Variants in DOK2 observed in about 807,000 individuals in gnomAD.
DOK2 encodes docking protein 2.
DOK2 carries 28 observed loss-of-function variants against 26.0 expected under a neutral mutation model. The observed-to-expected ratio is 1.08, with a 90% CI of 0.80 to 1.48. The LOEUF is 1.48. Ranked by LOEUF, DOK2 falls within the 40% of genes most tolerant of loss-of-function variation. The probability of loss-of-function intolerance (pLI) is 0.00; values close to 1 mark genes in which losing one functional copy is unlikely to be tolerated. For missense variants in DOK2, 682 were observed against 558.2 expected (o/e 1.22, Z -2.23); for synonymous variants, 282 against 236.9 (o/e 1.19, Z -1.75).
rs1169113502 is a variant in DOK2, at chr8:21,909,890, T to C, written c.660A>G (p.Gly220=). 6 of 1,612,794 alleles carry C rather than the reference T, an allele frequency of 3.7e-6. No homozygotes were observed. In the East Asian group the frequency reaches 1.3e-4, roughly 36 times the overall value. ...SFEAGRRCVS[G]EGNFEFETRQ... is the part of the protein sequence containing the mutation. ...GGGTTTCGAACTCAAAGTTGCCCTC[T>C]CCAGAGACGCAGCGACGGCCTGCCT... The change falls in exon 5 of 5, where the codon GGA becomes GGG. Residue 220 remains glycine (G), a synonymous_variant. Transcript: ENST00000276420.
At chr8:21,910,113 C>A (rs892468820) in intron 4 of DOK2, among the ~76,000 whole-genome samples, 182 bp from the exon 5 acceptor site, 91 of 152,132 alleles carry the variant, frequency 6.0e-4, no homozygotes, top group African/African-American at 2.1e-3. Flanking sequence ...TCCCTGGTAG[C>A]TGGGACTACA....
intron 3 of DOK2, 68 bp from the exon 4 acceptor site, chr8:21,910,925 C>G: frequency 6.7e-7 from 1 of 1,486,618 alleles, no homozygotes; most frequent in South Asian, 1.3e-5. Context: ...TCACCACTGC[C>G]CAGTTCTAAA....
Position 21,912,341 on chromosome 8 carries a change from G to C in DOK2, c.233C>G (p.Pro78Arg), listed in dbSNP as rs1252745993. 1.9e-6 allele frequency: 3 copies of C among 1,607,770 alleles called. No individual in the cohort carries two copies. The Admixed American group carries it at 5.0e-5, about 27-fold the overall frequency. Residue 78 changes from proline to arginine, a missense_variant, in exon 2 of 5, where the codon CCC becomes CGC. Pro to Arg is a moderately radical substitution (Grantham distance 103). Transcript: ENST00000276420. ...CAGGAAGAAGGCACTGGTGTCCCGG[G>C]GGCTGCTGGCCTCTCCGCCGGCCTC... is the stretch of plus-strand genomic sequence containing the variant. The part of the protein sequence containing the change: ...VAEAGGEASS[P>R]RDTSAFFLET...
chr8:21,912,697 A>G (rs1295740651), intron 1 of DOK2, 187 bp from the exon 2 acceptor site: 1 of 613,690 alleles, frequency 1.6e-6, no homozygotes, highest in Non-Finnish European at 2.7e-6. Context: ...CAGGAATTAG[A>G]AAATCGGAGA....
In DOK2 at chr8:21,909,900, C is replaced by T; in HGVS notation, c.650G>A (p.Cys217Tyr). 4 of 1,612,252 alleles carry T rather than the reference C, an allele frequency of 2.5e-6. No homozygotes were observed. Among genetic ancestry groups the T allele is most frequent in the Non-Finnish European group, 2.5e-6 (3 of 1,179,654 alleles). ...CTCAAAGTTGCCCTCTCCAGAGACG[C>T]AGCGACGGCCTGCCTCAAAGGAAAA... The part of the protein sequence containing the change: ...VTFSFEAGRR[C>Y]VSGEGNFEFE... Residue 217 changes from cysteine (C) to tyrosine (Y), a missense_variant, in exon 5 of 5, where the codon TGC becomes TAC. By Grantham distance (194) the Cys-to-Tyr change is radical. Coordinates refer to ENST00000276420, the MANE Select transcript of DOK2 (RefSeq NM_003974.4).
At position 21,910,875 on chromosome 8, in the gene DOK2, G is replaced by C. The variant is rs1809817681; in HGVS notation, c.434-18C>G. 4 of 1,452,538 alleles carry C rather than the reference G, an allele frequency of 2.8e-6. No homozygotes were observed. In the African/African-American group the frequency reaches 5.5e-5, roughly 20 times the overall value. 90.0% of individuals were successfully genotyped at this position (1,452,538 alleles called of 1,614,324 possible). Reference sequence around the variant, plus strand: ...GGGGCCGACTGGGGAGAAGAAGAGAGAGAAGGCGAAGGCAGTTAATGGGAA... The same window carrying C: ...GGGGCCGACTGGGGAGAAGAAGAGACAGAAGGCGAAGGCAGTTAATGGGAA... On this transcript the variant is annotated intron_variant, in intron 3 of 4. Coordinates refer to ENST00000276420, the MANE Select transcript of DOK2 (RefSeq NM_003974.4).
chr8:21,910,898 GA>G, intron 3 of DOK2, 41 bp from the exon 4 acceptor site: 3 of 1,555,116 alleles, frequency 1.9e-6, no homozygotes, highest in Non-Finnish European at 2.6e-6. Context: ...CAGTTAATGG[GA>G]AACAGCTGGC....
In DOK2 at chr8:21,910,868, GAA is replaced by G; in HGVS notation, c.434-13_434-12del. On this transcript the variant is annotated splice_polypyrimidine_tract_variant and intron_variant, in intron 3 of 4. Transcript: ENST00000276420. ...CCTTGTGGGGGCCGACTGGGGAGAA[GAA>G]GAGAGAGAAGGCGAAGGCAGTTAAT... The G allele has an allele frequency of 1.3e-6, 2 of 1,590,686 alleles. No individual in the cohort carries two copies. Among genetic ancestry groups the G allele is most frequent in the Non-Finnish European group, 1.7e-6 (2 of 1,167,580 alleles).
At chr8:21,912,167 GA>G in intron 2 of DOK2, 61 bp downstream of exon 2, 1 of 1,484,356 alleles carries the variant, frequency 6.7e-7, no homozygotes, top group Non-Finnish European at 8.9e-7. Context: ...TTGCCCACAG[GA>G]AGTATCTAAC....
chr8:21,911,130 C>T (rs1232106086), intron 3 of DOK2: 5 of 459,972 alleles, frequency 1.1e-5, no homozygotes, highest in Admixed American at 7.9e-5. Context: ...CTGCCCCTGT[C>T]GCCAGAGCCA....
intron 3 of DOK2, 171 bp from the exon 4 acceptor site, chr8:21,911,028 T>C: frequency 2.6e-6 from 2 of 768,306 alleles, no homozygotes; most frequent in Non-Finnish European, 4.0e-6. Flanking sequence ...TGCCAGGTCA[T>C]ACTCCCCAAA....
rs757512119 is a variant in DOK2 at position 21,912,367 on chromosome 8, G to C, written c.207C>G (p.Ala69=). ...VIRLSDCLRV[A]EAGGEASSPR... ...GGCTGCTGGCCTCTCCGCCGGCCTC[G>C]GCCACCCGCAGGCAGTCACTGAGGC... Residue 69 remains alanine, a synonymous_variant, in exon 2 of 5, where the codon GCC becomes GCG. Transcript: ENST00000276420. The C allele has an allele frequency of 6.2e-7, 1 of 1,606,212 alleles. No homozygotes were observed. The highest frequency in any genetic ancestry group is 1.7e-5 in the Admixed American group (1 of 59,638).
chr8:21,912,099 T>G, intron 2 of DOK2, 111 bp from the exon 3 acceptor site: 7 of 1,472,070 alleles, frequency 4.8e-6, no homozygotes, highest in Non-Finnish European at 6.3e-6. Context: ...CACACTGGGT[T>G]CGGGTCCCCC....
In DOK2 at chr8:21,912,351, C is replaced by T. The variant is rs1809887480; in HGVS notation, c.223G>A (p.Ala75Thr). ...CLRVAEAGGEASSPRDTSAFF... is the reference protein window; with the variant it reads ...CLRVAEAGGETSSPRDTSAFF... Reference sequence around the variant, plus strand: ...GCACTGGTGTCCCGGGGGCTGCTGGCCTCTCCGCCGGCCTCGGCCACCCGC... The same window carrying T: ...GCACTGGTGTCCCGGGGGCTGCTGGTCTCTCCGCCGGCCTCGGCCACCCGC... Residue 75 changes from alanine (A) to threonine (T), a missense_variant, in exon 2 of 5, where the codon GCC becomes ACC. Physicochemically the swap from Ala to Thr is moderately conservative, Grantham distance 58. Coordinates refer to ENST00000276420, the MANE Select transcript of DOK2 (RefSeq NM_003974.4). 7 of 1,607,284 alleles carry T rather than the reference C, an allele frequency of 4.4e-6. No individual in the cohort carries two copies. The highest frequency in any genetic ancestry group is 5.1e-6 in the Non-Finnish European group (6 of 1,178,488).
At chr8:21,912,775 C>T (rs924718785) in intron 1 of DOK2, among the ~76,000 whole-genome samples, 1 of 152,178 alleles carries the variant, frequency 6.6e-6, no homozygotes, top group Non-Finnish European at 1.5e-5. Context: ...AAAGCAACGC[C>T]GGGATGAGCC....
chr8:21,909,619 C>A lies in DOK2; in HGVS notation c.931G>T (p.Gly311Trp). 6.2e-7 allele frequency: 1 copy of A among 1,613,748 alleles called. No individual in the cohort carries two copies. ...VPFDAVARSL[G>W]KNFRGILAVP... ...GCCAAGATGCCCCTGAAGTTCTTCCCCAAGGAACGGGCCACCGCATCGAAG... is the reference window on the plus strand; with the variant it reads ...GCCAAGATGCCCCTGAAGTTCTTCCACAAGGAACGGGCCACCGCATCGAAG... The change falls in exon 5 of 5, where the codon GGG becomes TGG. Residue 311 changes from glycine (G) to tryptophan (W), a missense_variant. Coordinates refer to ENST00000276420, the MANE Select transcript of DOK2 (RefSeq NM_003974.4).
Position 21,912,376 on chromosome 8 carries a change from C to T in DOK2, c.198G>A (p.Leu66=). Residue 66 remains leucine (L), a synonymous_variant, in exon 2 of 5, where the codon CTG becomes CTA. Coordinates refer to ENST00000276420, the MANE Select transcript of DOK2 (RefSeq NM_003974.4). ...CCTCTCCGCCGGCCTCGGCCACCCG[C>T]AGGCAGTCACTGAGGCGGATGACCT... The part of the protein sequence containing the change: ...ARKVIRLSDC[L]RVAEAGGEAS... 1 of 1,604,792 alleles carries T rather than the reference C, an allele frequency of 6.2e-7. No individual in the cohort carries two copies. The highest frequency in any genetic ancestry group is 8.5e-7 in the Non-Finnish European group (1 of 1,177,224).
chr8:21,910,737 G>A lies in DOK2; in HGVS notation c.554C>T (p.Pro185Leu), dbSNP rs1809808105. ...GTCGTACAGCTGGGTCCCTGGCTCG[G>A]GCCCACCCCACAGCTCCAGGGCACT... ...GESALELWGG[P>L]EPGTQLYDWP... Residue 185 changes from proline (P) to leucine (L), a missense_variant, in exon 4 of 5, where the codon CCC (proline) becomes CTC (leucine). Coordinates refer to ENST00000276420, the MANE Select transcript of DOK2 (RefSeq NM_003974.4). 2 of 1,613,824 alleles carry A rather than the reference G, an allele frequency of 1.2e-6. No homozygotes were observed. The highest frequency in any genetic ancestry group is 8.5e-7 in the Non-Finnish European group (1 of 1,180,010).
chr8:21,910,957 A>G, intron 3 of DOK2, 100 bp from the exon 4 acceptor site: 1 of 1,320,666 alleles, frequency 7.6e-7, no homozygotes, highest in Non-Finnish European at 1.0e-6. Flanking sequence ...GAACTTTTCT[A>G]GAAAGTATTA....
Sources: allele counts gnomAD v4.1 joint callset (sites outside exome capture counted in the v4.1 genomes callset), GRCh38; gene constraint gnomAD v4.1.1; transcripts MANE v1.5; gene names NCBI Gene and HGNC (gene_info 2026-07-23, HGNC 2026-07-21).